Variants in RNF17 observed in about 807,000 individuals in gnomAD.
The protein encoded by RNF17 is ring finger protein 17.
A neutral mutation model predicts 200.5 loss-of-function variants in RNF17; 31 were observed. The ratio of observed to expected loss-of-function variants is 0.15; its 90% CI spans 0.12 to 0.21. The LOEUF is 0.21. Among genes scored for constraint, RNF17 ranks in the 10% least tolerant of loss-of-function variants. RNF17 has a pLI of 1.00. For synonymous variants in RNF17, 606 were observed against 637.8 expected (o/e 0.95, Z 0.75); for missense variants, 1,628 against 1,905.1 (o/e 0.85, Z 2.71).
intron 18 of RNF17, among the ~76,000 whole-genome samples, chr13:24,837,913 A>G (rs546327886): frequency 6.6e-6 from 1 of 152,296 alleles, no homozygotes; most frequent in South Asian, 2.1e-4. Flanking sequence ...TTGAAAAGGT[A>G]AATAAAATTG....
rs1194575268 is a variant in RNF17, at chr13:24,789,218, G to A, written c.784-130G>A. ...AACACTTATTTGTATCCCTTTGAGT[G>A]CCCCAAATTGAGCCTGAATGCAATA... On this transcript the variant is annotated intron_variant, in intron 7 of 35. Transcript: ENST00000255324. 36 of 619,784 alleles carry A rather than the reference G, an allele frequency of 5.8e-5. No homozygotes were observed. The South Asian group carries it at 8.0e-4, about 14-fold the overall frequency. The allele number at this position is 619,784 out of a possible 1,614,324, so 38.4% of individuals were successfully genotyped here. A position where few individuals can be genotyped will look rare whatever the true frequency, so the allele number is the denominator to read the frequency against.
chr13:24,802,378 C>T lies in RNF17; in HGVS notation c.1759-3C>T. ...TACTATGGAATTTTACTTTCTTGCA[C>T]AGAATGAAGGCTGGGAAGAGGAAGC... On this transcript the variant is annotated splice_polypyrimidine_tract_variant and splice_region_variant and intron_variant, in intron 13 of 35. Coordinates refer to ENST00000255324, the MANE Select transcript of RNF17 (RefSeq NM_031277.3). The T allele has an allele frequency of 6.2e-7, 1 of 1,603,572 alleles. No individual in the cohort carries two copies. The highest frequency in any genetic ancestry group is 8.5e-7 in the Non-Finnish European group (1 of 1,175,602).
intron 23 of RNF17, 75 bp downstream of exon 23, chr13:24,850,518 A>G (rs1891765925): frequency 1.0e-6 from 1 of 1,001,386 alleles, no homozygotes; most frequent in South Asian, 1.7e-5. Context: ...TCTTTCTTGT[A>G]GAGAAAATAG....
intron 28 of RNF17, 135 bp from the exon 29 acceptor site, chr13:24,864,738 C>A: frequency 3.1e-6 from 2 of 647,202 alleles, no homozygotes; most frequent in Non-Finnish European, 5.2e-6. Flanking sequence ...GAAGAAAATT[C>A]TATGAAATGA....
At chr13:24,879,163 G>C (rs1593515932) in intron 34 of RNF17, 24 bp from the exon 35 acceptor site, 1 of 1,565,152 alleles carries the variant, frequency 6.4e-7, no homozygotes, top group South Asian at 1.1e-5. Flanking sequence ...CTGTTTTCTT[G>C]ACAACTGTAT....
upstream of RNF17, among the ~76,000 whole-genome samples, chr13:24,760,762 T>C (rs1290169613): frequency 6.6e-6 from 1 of 152,050 alleles, no homozygotes; most frequent in East Asian, 1.9e-4. Flanking sequence ...ATAAGGAACA[T>C]AAACAACTCA....
intron 20 of RNF17, among the ~76,000 whole-genome samples, 163 bp from the exon 21 acceptor site, chr13:24,844,489 C>G (rs763827621): frequency 6.6e-6 from 1 of 152,086 alleles, no homozygotes; most frequent in Non-Finnish European, 1.5e-5. Context: ...GAAGGAAGAG[C>G]TAGTTCAAAA....
intron 1 of RNF17, among the ~76,000 whole-genome samples, chr13:24,766,382 T>C (rs897118738): frequency 6.6e-6 from 1 of 152,240 alleles, no homozygotes; most frequent in East Asian, 1.9e-4. Flanking sequence ...CTAAAACAAA[T>C]GTTATTTATT....
chr13:24,806,903 G>T (rs1885951928), intron 15 of RNF17, among the ~76,000 whole-genome samples: 1 of 150,076 alleles, frequency 6.7e-6, no homozygotes, highest in Non-Finnish European at 1.5e-5. Context: ...GCGGTGTTTG[G>T]TTTTTTGTTC....
chr13:24,800,523 C>G lies in RNF17; in HGVS notation c.1747C>G (p.Pro583Ala), dbSNP rs1885117627. The G allele has an allele frequency of 6.2e-7, 1 of 1,611,622 alleles. No homozygotes were observed. Reference protein sequence around the residue: ...AQPCSLKDIVPQNSNEGWEEE... With the variant: ...AQPCSLKDIVAQNSNEGWEEE... ...ACCATGCTCATTGAAAGACATTGTTCCACAGAATTCAGTAAGTGAGACTTT... is the reference window on the plus strand; with the variant it reads ...ACCATGCTCATTGAAAGACATTGTTGCACAGAATTCAGTAAGTGAGACTTT... The change falls in exon 13 of 36, where the codon CCA becomes GCA. Residue 583 changes from proline to alanine, a missense_variant. Around this residue, in one of 5 missense-constraint regions of RNF17, gnomAD observed 289 missense variants for 384.9 expected, o/e 0.75. Transcript: ENST00000255324.
At position 24,843,737 on chromosome 13, in the gene RNF17, T is replaced by C. The variant is rs755683971; in HGVS notation, c.2604-7T>C. The C allele has an allele frequency of 3.3e-5, 51 of 1,547,080 alleles. No individual in the cohort carries two copies. The highest frequency in any genetic ancestry group is 4.2e-5 in the Non-Finnish European group (47 of 1,121,940). ...AGTTCTTTTCATTAACTTTTGTTGTTTTTCAGATACATCCTCAAAGATAAT... is the reference window on the plus strand; with the variant it reads ...AGTTCTTTTCATTAACTTTTGTTGTCTTTCAGATACATCCTCAAAGATAAT... On this transcript the variant is annotated splice_polypyrimidine_tract_variant and splice_region_variant and intron_variant, in intron 19 of 35. Coordinates refer to ENST00000255324, the MANE Select transcript of RNF17 (RefSeq NM_031277.3).
chr13:24,773,407 A>G (rs978031670), intron 2 of RNF17, among the ~76,000 whole-genome samples: 3 of 152,234 alleles, frequency 2.0e-5, no homozygotes, highest in African/African-American at 4.8e-5. Context: ...TTGCAGCAAC[A>G]TGGATGCAGC....
intron 18 of RNF17, among the ~76,000 whole-genome samples, 156 bp downstream of exon 18, chr13:24,832,134 T>C (rs1889481438): frequency 6.6e-6 from 1 of 152,232 alleles, no homozygotes; most frequent in African/African-American, 2.4e-5. Context: ...ATTATATCTT[T>C]TATGGACTCT....
chr13:24,886,528 C>G, the RNF17 span: 1 of 441,710 alleles, frequency 2.3e-6, no homozygotes, highest in Non-Finnish European at 4.4e-6. Context: ...CTAGGGACTA[C>G]TGGGAGTGGA....
intron 24 of RNF17, among the ~76,000 whole-genome samples, chr13:24,851,876 C>A (rs535350054): frequency 6.6e-6 from 1 of 152,310 alleles, no homozygotes; most frequent in African/African-American, 2.4e-5. Context: ...GATACCAGAT[C>A]TGAGCCCTTT....
intron 1 of RNF17, 121 bp downstream of exon 1, chr13:24,764,454 T>A: frequency 7.4e-7 from 1 of 1,342,764 alleles, no homozygotes; most frequent in African/African-American, 1.4e-5. Context: ...CACCAGAAAC[T>A]GCGTCACAGG....
At chr13:24,798,306 T>C (rs897855771) in intron 11 of RNF17, among the ~76,000 whole-genome samples, 7 of 152,192 alleles carry the variant, frequency 4.6e-5, no homozygotes. Flanking sequence ...TTTCTAAGAA[T>C]GTATCAATGA....
chr13:24,778,558 A>C, intron 4 of RNF17, 152 bp downstream of exon 4: 1 of 626,546 alleles, frequency 1.6e-6, no homozygotes, highest in Middle Eastern at 2.9e-4. Context: ...CTTTTGTTCT[A>C]TGCTTAGACA....
the RNF17 span, among the ~76,000 whole-genome samples, chr13:24,755,281 C>T: frequency 1.3e-5 from 2 of 152,266 alleles, no homozygotes; most frequent in Non-Finnish European, 2.9e-5. Context: ...TTAGTGGGAA[C>T]AAACATGGCT....
Sources: gnomAD v4.1 joint callset for allele counts (sites outside exome capture counted in the v4.1 genomes callset) on GRCh38, gnomAD v4.1.1 for gene constraint, gnomAD v4.1.1 regional missense constraint, MANE v1.5 for transcripts, NCBI Gene and HGNC (gene_info 2026-07-23, HGNC 2026-07-21) for gene names.